Variants in CTNNA3 observed in about 807,000 individuals in gnomAD.
CTNNA3 encodes the protein catenin alpha-3.
CTNNA3 carries 76 observed loss-of-function variants against 95.7 expected under a neutral mutation model. The ratio of observed to expected loss-of-function variants is 0.79; its 90% CI spans 0.66 to 0.96. The LOEUF is 0.96. Among genes scored for constraint, CTNNA3 ranks in the 40% least tolerant of loss-of-function variants. The probability of loss-of-function intolerance (pLI) is 0.00; values close to 1 mark genes in which losing one functional copy is unlikely to be tolerated. For missense variants in CTNNA3, 1,191 were observed against 1,089.8 expected, an observed-to-expected ratio of 1.09 and a Z score of -1.31; for synonymous variants, 431 against 374.4, an observed-to-expected ratio of 1.15 and a Z score of -1.74.
chr10:66,103,331 G>A, intron 13 of CTNNA3, 82 bp from the exon 14 acceptor site: 1 of 1,069,066 alleles, frequency 9.4e-7, no homozygotes, highest in East Asian at 2.4e-5. Flanking sequence ...TACCTTAAAA[G>A]GGTAATCATA....
chr10:66,133,512 T>TA (rs543097320), intron 13 of CTNNA3, among the ~76,000 whole-genome samples: 4,922 of 127,980 alleles, frequency 0.038, 272 homozygotes, highest in African/African-American at 0.13. Context: ...GAGTCTGTCT[T>TA]AAAAAAAAAA....
intron 11 of CTNNA3, among the ~76,000 whole-genome samples, chr10:66,444,047 T>C (rs932654760): frequency 2.0e-5 from 3 of 152,136 alleles, no homozygotes; most frequent in Non-Finnish European, 4.4e-5. Flanking sequence ...CAGGAGCCGA[T>C]GCGATCAACT....
intron 9 of CTNNA3, among the ~76,000 whole-genome samples, chr10:66,681,645 A>G (rs2132503158): frequency 6.6e-6 from 1 of 152,298 alleles, no homozygotes; most frequent in South Asian, 2.1e-4. Context: ...ACAAGATTTA[A>G]TAAGGATATG....
At chr10:67,610,723 C>A (rs1423550198) in intron 2 of CTNNA3, among the ~76,000 whole-genome samples, 4 of 152,192 alleles carry the variant, frequency 2.6e-5, no homozygotes, top group Admixed American at 2.0e-4. Flanking sequence ...TCCTCATTTT[C>A]TTTTTCAGTA....
At chr10:65,991,952 T>C (rs2078555816) in intron 15 of CTNNA3, among the ~76,000 whole-genome samples, 1 of 152,090 alleles carries the variant, frequency 6.6e-6, no homozygotes. Flanking sequence ...AGAGTTTTCA[T>C]CATGAAAAGA....
chr10:66,182,634 C>A (rs546755108), intron 13 of CTNNA3, among the ~76,000 whole-genome samples: 2 of 147,752 alleles, frequency 1.4e-5, no homozygotes, highest in African/African-American at 4.9e-5. Context: ...CTTCAAAATA[C>A]GGCATTCCAA....
intron 5 of CTNNA3, among the ~76,000 whole-genome samples, chr10:67,288,835 A>G (rs142574832): frequency 1.3e-5 from 2 of 152,278 alleles, no homozygotes; most frequent in East Asian, 3.9e-4. Context: ...AGGTAAGTTT[A>G]GTAGTGTAGT....
intron 10 of CTNNA3, among the ~76,000 whole-genome samples, chr10:66,558,703 T>A (rs1301231201): frequency 6.6e-6 from 1 of 152,124 alleles, no homozygotes; most frequent in Non-Finnish European, 1.5e-5. Context: ...TTTAAATATA[T>A]GACAAATTCA....
chr10:66,032,822 C>G (rs914160072), intron 15 of CTNNA3, among the ~76,000 whole-genome samples: 2 of 152,098 alleles, frequency 1.3e-5, no homozygotes, highest in African/African-American at 4.8e-5. Flanking sequence ...GTTGATAAGG[C>G]ATATTCATGT....
chr10:66,306,716 G>T (rs2091939803), intron 12 of CTNNA3, among the ~76,000 whole-genome samples: 1 of 152,142 alleles, frequency 6.6e-6, no homozygotes, highest in African/African-American at 2.4e-5. Context: ...GTACTTGTCT[G>T]CCCTTGCCAG....
intron 1 of CTNNA3, among the ~76,000 whole-genome samples, chr10:67,713,913 C>T (rs1841127587): frequency 6.6e-6 from 1 of 151,890 alleles, no homozygotes; most frequent in South Asian, 2.1e-4. Flanking sequence ...GTAACAAACC[C>T]TCATGTTCTG....
chr10:66,718,970 T>G (rs1275445876), intron 9 of CTNNA3, among the ~76,000 whole-genome samples: 2 of 152,238 alleles, frequency 1.3e-5, no homozygotes, highest in Non-Finnish European at 2.9e-5. Context: ...GTCATTAATT[T>G]ACATTGCTTT....
chr10:66,756,408 G>T (rs1839364132), intron 9 of CTNNA3, among the ~76,000 whole-genome samples: 1 of 152,132 alleles, frequency 6.6e-6, no homozygotes, highest in African/African-American at 2.4e-5. Flanking sequence ...ACGCAATTCA[G>T]AGTAAATTTG....
At chr10:65,994,112 T>C (rs2133343604) in intron 15 of CTNNA3, among the ~76,000 whole-genome samples, 1 of 152,292 alleles carries the variant, frequency 6.6e-6, no homozygotes, top group South Asian at 2.1e-4. Context: ...ATTTTGTAAA[T>C]TGTTTTCTGG....
At chr10:66,227,420 T>C (rs2089362748) in intron 13 of CTNNA3, among the ~76,000 whole-genome samples, 2 of 152,070 alleles carry the variant, frequency 1.3e-5, no homozygotes, top group Non-Finnish European at 2.9e-5. Flanking sequence ...ATCAAATGCT[T>C]TTTCTGCCAC....
intron 17 of CTNNA3, among the ~76,000 whole-genome samples, chr10:65,962,309 T>C (rs1424237697): frequency 6.6e-6 from 1 of 152,200 alleles, no homozygotes; most frequent in Non-Finnish European, 1.5e-5. Flanking sequence ...TGAGTTTCCA[T>C]ACTCACCGTA....
At chr10:67,350,036 T>C (rs576817281) in intron 5 of CTNNA3, among the ~76,000 whole-genome samples, 42 of 152,160 alleles carry the variant, frequency 2.8e-4, no homozygotes, top group Non-Finnish European at 5.3e-4. Flanking sequence ...CTGTTGCAGA[T>C]GGTAATTTAA....
intron 7 of CTNNA3, among the ~76,000 whole-genome samples, chr10:66,864,027 T>C (rs188252112): frequency 7.2e-4 from 110 of 152,292 alleles, no homozygotes; most frequent in African/African-American, 2.5e-3. Context: ...CTGCTTTACT[T>C]ATTTCATGAG....
intron 12 of CTNNA3, among the ~76,000 whole-genome samples, chr10:66,354,126 CACAA>C (rs1214161993): frequency 6.6e-6 from 1 of 151,710 alleles, no homozygotes; most frequent in Non-Finnish European, 1.5e-5. Flanking sequence ...CTACTAAAGA[CACAA>C]ACAATTAGCT....
Sources: gnomAD v4.1 joint callset for allele counts (sites outside exome capture counted in the v4.1 genomes callset) on GRCh38, gnomAD v4.1.1 for gene constraint, MANE v1.5 for transcripts, NCBI Gene and HGNC (gene_info 2026-07-23, HGNC 2026-07-21) for gene names.